Variants in PPIC observed in about 807,000 individuals in gnomAD.
The protein encoded by PPIC is peptidylprolyl isomerase C.
PPIC carries 19 observed loss-of-function variants against 19.5 expected under a neutral mutation model. That is an observed-to-expected ratio of 0.98 (90% CI 0.68 to 1.43). The LOEUF (loss-of-function observed/expected upper bound fraction) is 1.43, where lower values mean the gene tolerates loss of function less well. PPIC is among the 40% of genes most tolerant of loss of function. The pLI is 0.00. For synonymous variants in PPIC, 107 were observed against 101.2 expected (o/e 1.06, Z -0.34); for missense variants, 268 against 268.6 (o/e 1.00, Z 0.02).
At chr5:123,034,561 T>C (rs953307024) in intron 1 of PPIC, among the ~76,000 whole-genome samples, 2 of 152,210 alleles carry the variant, frequency 1.3e-5, no homozygotes, top group Non-Finnish European at 2.9e-5. Flanking sequence ...CAGATTGTGA[T>C]TGACTTGCTC....
At position 123,036,436 on chromosome 5, in the gene PPIC, G is replaced by A. The variant is rs1763014287; in HGVS notation, c.117+73C>T. The A allele has an allele frequency of 1.5e-6, 2 of 1,363,186 alleles. No homozygotes were observed. Among genetic ancestry groups the A allele is most frequent in the African/African-American group, 2.9e-5 (2 of 69,846 alleles). 84.4% of individuals were successfully genotyped at this position (1,363,186 alleles called of 1,614,324 possible). A position where few individuals can be genotyped will look rare whatever the true frequency, so the allele number is the denominator to read the frequency against. ...TCCACCTCGCCCGCCCTGACACCGA[G>A]GTCCCAGTATCCAAAGCGCCCCCAG... On this transcript the variant is annotated intron_variant, in intron 1 of 4. Transcript: ENST00000306442. The surrounding 1 kb of genome is among the most constrained non-coding windows in gnomAD (Gnocchi z 4.5).
intron 3 of PPIC, among the ~76,000 whole-genome samples, chr5:123,028,207 G>A (rs1232393654): frequency 6.6e-6 from 1 of 152,178 alleles, no homozygotes; most frequent in Non-Finnish European, 1.5e-5. Context: ...TTTTAGAACA[G>A]AAAAATGAAA....
chr5:123,031,686 GGAGA>G (rs1762944227), intron 1 of PPIC, among the ~76,000 whole-genome samples: 1 of 152,162 alleles, frequency 6.6e-6, no homozygotes, highest in Admixed American at 6.5e-5. Flanking sequence ...TTACTCAAAC[GGAGA>G]GAAAGAGAAT....
intron 3 of PPIC, among the ~76,000 whole-genome samples, chr5:123,026,721 G>C (rs950158256): frequency 3.9e-5 from 6 of 152,184 alleles, no homozygotes; most frequent in African/African-American, 1.4e-4. Flanking sequence ...GAGAACCAAA[G>C]CAAGGCAGGA....
rs1554081576 is a variant in PPIC at position 123,023,808 on chromosome 5, A to ACG, written c.*66_*67insCG. Reference sequence around the variant, plus strand: ...AAGCAAATAATTGAAAGACAACACAACACACACACACACACACACACACAC... The same window carrying ACG: ...AAGCAAATAATTGAAAGACAACACAACGCACACACACACACACACACACACAC... On this transcript the variant is annotated 3_prime_UTR_variant, in exon 5 of 5. Coordinates refer to ENST00000306442, the MANE Select transcript of PPIC (RefSeq NM_000943.5). 1 of 723,242 alleles carries ACG rather than the reference A, an allele frequency of 1.4e-6. No individual in the cohort carries two copies. The highest frequency in any genetic ancestry group is 8.1e-5 in the Admixed American group (1 of 12,330). 44.8% of individuals were successfully genotyped at this position (723,242 alleles called of 1,614,324 possible).
Position 123,023,807 on chromosome 5 carries a change from AACACACACACACACAC to A in PPIC, c.*52_*67del, listed in dbSNP as rs70988555. 3 of 1,293,846 alleles carry A rather than the reference AACACACACACACACAC, an allele frequency of 2.3e-6. No individual in the cohort carries two copies. The highest frequency in any genetic ancestry group is 1.6e-5 in the African/African-American group (1 of 64,264). The allele number at this position is 1,293,846 out of a possible 1,614,324, so 80.1% of individuals were successfully genotyped here. On this transcript the variant is annotated 3_prime_UTR_variant, in exon 5 of 5. Coordinates refer to ENST00000306442, the MANE Select transcript of PPIC (RefSeq NM_000943.5). ...AAAGCAAATAATTGAAAGACAACAC[AACACACACACACACAC>A]ACACACACACACACCCCTGCCAAAG...
At position 123,036,496 on chromosome 5, in the gene PPIC, C is replaced by T; in HGVS notation, c.117+13G>A. On this transcript the variant is annotated intron_variant, in intron 1 of 4. Transcript: ENST00000306442. The surrounding 1 kb of genome is among the most constrained non-coding windows in gnomAD (Gnocchi z 4.5). ...CGCAACAGGGGAAGTTGCAGCCCGC[C>T]GCTCTCGGTCACCTTGGCCGTCACC... 1.9e-6 allele frequency: 3 copies of T among 1,600,944 alleles called. No individual in the cohort carries two copies. The highest frequency in any genetic ancestry group is 2.6e-6 in the Non-Finnish European group (3 of 1,173,678).
chr5:123,036,647 T>C lies in PPIC; in HGVS notation c.-22A>G. On this transcript the variant is annotated 5_prime_UTR_variant, in exon 1 of 5. Transcript: ENST00000306442. This position sits in a 1 kb window ranked among gnomAD's most constrained non-coding sequence, Gnocchi z 4.5. ...CCATGGTGAGCGGTGGCAGCGGCGC[T>C]ACCGGCACGGGCGCTACCGGCACGG... 1 of 1,554,278 alleles carries C rather than the reference T, an allele frequency of 6.4e-7. No individual in the cohort carries two copies. The highest frequency in any genetic ancestry group is 1.2e-5 in the South Asian group (1 of 85,066).
intron 1 of PPIC, 104 bp from the exon 2 acceptor site, chr5:123,029,522 C>G: frequency 6.9e-7 from 1 of 1,439,066 alleles, no homozygotes; most frequent in Non-Finnish European, 9.1e-7. Flanking sequence ...TACAAAAGCC[C>G]TGCCCATCAG....
rs767887627 is a variant in PPIC at position 123,028,842 on chromosome 5, CTTG to C, written c.255_257del (p.Ser85_Lys86delinsArg). The C allele has an allele frequency of 8.4e-4, 1,357 of 1,612,914 alleles. 1 individual carries two copies. Among genetic ancestry groups the C allele is most frequent in the Non-Finnish European group, 1.0e-3 (1,231 of 1,178,910 alleles). On this transcript the variant is annotated inframe_deletion, in exon 3 of 5. Coordinates refer to ENST00000306442, the MANE Select transcript of PPIC (RefSeq NM_000943.5). ...TGAAATCCTTGATGACACGATGAAA[CTTG>C]CTTCCTTTATATCCATATCCTTTCT...
Position 123,036,666 on chromosome 5 carries a change from G to A in PPIC, c.-41C>T, listed in dbSNP as rs751159077. On this transcript the variant is annotated 5_prime_UTR_variant, in exon 1 of 5. Transcript: ENST00000306442. The surrounding 1 kb of genome is among the most constrained non-coding windows in gnomAD (Gnocchi z 4.5). ...CGGCGCTACCGGCACGGGCGCTACC[G>A]GCACGGGCGCGACACAGGCTCTGGG... 6.6e-7 allele frequency: 1 copy of A among 1,510,092 alleles called. No individual in the cohort carries two copies. Among genetic ancestry groups the A allele is most frequent in the Non-Finnish European group, 9.0e-7 (1 of 1,113,662 alleles). 93.5% of individuals were successfully genotyped at this position (1,510,092 alleles called of 1,614,324 possible). A position where few individuals can be genotyped will look rare whatever the true frequency, so the allele number is the denominator to read the frequency against.
At chr5:123,024,141 T>A in intron 4 of PPIC, 138 bp from the exon 5 acceptor site, 1 of 350,260 alleles carries the variant, frequency 2.9e-6, no homozygotes, top group Non-Finnish European at 4.3e-6. Flanking sequence ...TTATGACTAC[T>A]AAGCGTTTTT....
chr5:123,029,078 TTAAAAGAGAGCAAACCA>T, intron 2 of PPIC: 1 of 910,690 alleles, frequency 1.1e-6, no homozygotes, highest in Non-Finnish European at 1.6e-6. Flanking sequence ...TGTGAATAAG[TTAAAAGAGAGCAAACCA>T]TATTTTCACT....
chr5:123,033,990 G>A (rs1409525932), intron 1 of PPIC, among the ~76,000 whole-genome samples: 1 of 152,240 alleles, frequency 6.6e-6, no homozygotes, highest in Non-Finnish European at 1.5e-5. Context: ...GCAGGAAGCT[G>A]CCAGGCTGGC....
In PPIC at chr5:123,036,360, C is replaced by T; in HGVS notation, c.117+149G>A. ...CGGCCTCCCAGCACGCGAGCAGCCCCCTCCCACCCAGTCCCGCGGCCGCCT... is the reference window on the plus strand; with the variant it reads ...CGGCCTCCCAGCACGCGAGCAGCCCTCTCCCACCCAGTCCCGCGGCCGCCT... On this transcript the variant is annotated intron_variant, in intron 1 of 4. Coordinates refer to ENST00000306442, the MANE Select transcript of PPIC (RefSeq NM_000943.5). The surrounding 1 kb of genome is among the most constrained non-coding windows in gnomAD (Gnocchi z 4.5). 1 of 709,122 alleles carries T rather than the reference C, an allele frequency of 1.4e-6. No homozygotes were observed. The highest frequency in any genetic ancestry group is 2.4e-6 in the Non-Finnish European group (1 of 421,716). 43.9% of individuals were successfully genotyped at this position (709,122 alleles called of 1,614,324 possible).
chr5:123,036,498 C>T lies in PPIC; in HGVS notation c.117+11G>A, dbSNP rs1395751726. 2 of 1,602,874 alleles carry T rather than the reference C, an allele frequency of 1.2e-6. No homozygotes were observed. The highest frequency in any genetic ancestry group is 1.7e-6 in the Non-Finnish European group (2 of 1,175,172). ...CAACAGGGGAAGTTGCAGCCCGCCG[C>T]TCTCGGTCACCTTGGCCGTCACCGA... On this transcript the variant is annotated intron_variant, in intron 1 of 4. Transcript: ENST00000306442. This position sits in a 1 kb window ranked among gnomAD's most constrained non-coding sequence, Gnocchi z 4.5.
At chr5:123,032,105 C>T (rs185903264) in intron 1 of PPIC, among the ~76,000 whole-genome samples, 2 of 152,204 alleles carry the variant, frequency 1.3e-5, no homozygotes, top group African/African-American at 2.4e-5. Context: ...CCAGGAGAGG[C>T]GTTTAAACAA....
rs565752974 is a variant in PPIC at position 123,029,397 on chromosome 5, C to T, written c.139G>A (p.Gly47Arg). The change falls in exon 2 of 5, where the codon GGA (glycine) becomes AGA (arginine). Residue 47 changes from glycine to arginine, a missense_variant. By Grantham distance (125) the Gly-to-Arg change is moderately radical. Transcript: ENST00000306442. ...ACAATTCTGCCAACATCTTTGTCTC[C>T]AATCCTCACATCAAAGAAGACCTGT... is the stretch of plus-strand genomic sequence containing the variant. ...TAKVFFDVRI[G>R]DKDVGRIVIG... 4 of 1,604,706 alleles carry T rather than the reference C, an allele frequency of 2.5e-6. No homozygotes were observed. The Admixed American group carries it at 5.1e-5, about 20-fold the overall frequency.
At chr5:123,028,619 T>C (rs1762897169) in intron 3 of PPIC, 156 bp downstream of exon 3, 1 of 578,740 alleles carries the variant, frequency 1.7e-6, no homozygotes, top group Non-Finnish European at 3.1e-6. Context: ...GAGATGCTGC[T>C]AGATGAGTCC....
Sources: gnomAD v4.1 joint callset for allele counts (sites outside exome capture counted in the v4.1 genomes callset) on GRCh38, gnomAD v4.1.1 for gene constraint, Gnocchi (gnomAD v3.1) non-coding constraint, MANE v1.5 for transcripts, NCBI Gene and HGNC (gene_info 2026-07-23, HGNC 2026-07-21) for gene names.